The following BMP7 variants were observed in gnomAD, a reference collection of about 807,000 sequenced individuals.
The protein encoded by BMP7 is osteogenic protein 1.
BMP7 carries 12 observed loss-of-function variants against 41.2 expected under a neutral mutation model. The observed-to-expected ratio is 0.29, with a 90% CI of 0.19 to 0.47. The LOEUF is 0.47. Ranked by LOEUF, BMP7 falls within the 20% of genes least tolerant of loss-of-function variation. The probability of loss-of-function intolerance (pLI) is 0.99; values close to 1 mark genes in which losing one functional copy is unlikely to be tolerated. For missense variants in BMP7, 467 were observed against 606.0 expected, an observed-to-expected ratio of 0.77 and a Z score of 2.41; for synonymous variants, 248 against 250.0, an observed-to-expected ratio of 0.99 and a Z score of 0.07.
chr20:57,182,827 T>C (rs769492002), intron 4 of BMP7, among the ~76,000 whole-genome samples: 4 of 152,286 alleles, frequency 2.6e-5, no homozygotes, highest in Non-Finnish European at 5.9e-5. Context: ...TTATATTTAC[T>C]GTTAATGTTT....
At chr20:57,248,813 T>TTTTG (rs1568729306) in intron 1 of BMP7, among the ~76,000 whole-genome samples, 13 of 148,044 alleles carry the variant, frequency 8.8e-5, no homozygotes, top group African/African-American at 3.2e-4. Context: ...GTTTTGTTTT[T>TTTTG]TTTGAGACAG....
intron 3 of BMP7, among the ~76,000 whole-genome samples, chr20:57,189,564 C>A (rs1984302343): frequency 6.6e-6 from 1 of 152,220 alleles, no homozygotes; most frequent in African/African-American, 2.4e-5. Flanking sequence ...ACCGTCAATC[C>A]TGTTTCATAT....
chr20:57,194,398 A>G (rs1984445191), intron 3 of BMP7, among the ~76,000 whole-genome samples: 1 of 152,174 alleles, frequency 6.6e-6, no homozygotes, highest in African/African-American at 2.4e-5. Context: ...GGAACGCATG[A>G]TCTGTGGCTA....
chr20:57,252,317 G>A (rs1024409544), intron 1 of BMP7, among the ~76,000 whole-genome samples: 6 of 152,184 alleles, frequency 3.9e-5, no homozygotes, highest in Admixed American at 2.0e-4. Flanking sequence ...GAGTTGGCCC[G>A]CGGGCTGGGG....
At chr20:57,200,789 TC>T (rs1419771150) in intron 3 of BMP7, among the ~76,000 whole-genome samples, 1 of 151,670 alleles carries the variant, frequency 6.6e-6, no homozygotes, top group East Asian at 1.9e-4. Context: ...AGACTCCATC[TC>T]AAAAAAAAAT....
intron 3 of BMP7, among the ~76,000 whole-genome samples, chr20:57,184,405 G>C (rs527461269): frequency 1.3e-5 from 2 of 152,304 alleles, no homozygotes; most frequent in East Asian, 3.9e-4. Context: ...CCCAATGGAT[G>C]TTTGGGAAGA....
At chr20:57,202,073 G>A (rs535633788) in intron 3 of BMP7, among the ~76,000 whole-genome samples, 73 of 152,288 alleles carry the variant, frequency 4.8e-4, no homozygotes, top group African/African-American at 1.7e-3. Flanking sequence ...GACCGGGGAC[G>A]CTGCTAAACA....
chr20:57,172,224 A>T (rs1600725838), intron 6 of BMP7, among the ~76,000 whole-genome samples: 1 of 152,322 alleles, frequency 6.6e-6, no homozygotes, highest in East Asian at 1.9e-4. Flanking sequence ...GCCAGGGAAC[A>T]GGTTGGGGAG....
At chr20:57,242,556 T>C (rs1219248545) in intron 1 of BMP7, among the ~76,000 whole-genome samples, 1 of 152,212 alleles carries the variant, frequency 6.6e-6, no homozygotes, top group Non-Finnish European at 1.5e-5. Context: ...TTGACCTGTA[T>C]GGGGTTCACC....
chr20:57,195,195 C>T (rs960910877), intron 3 of BMP7, among the ~76,000 whole-genome samples: 1 of 152,154 alleles, frequency 6.6e-6, no homozygotes, highest in Non-Finnish European at 1.5e-5. Context: ...CAGTGAGGCC[C>T]CTTGGTAAAG....
intron 6 of BMP7, among the ~76,000 whole-genome samples, chr20:57,172,562 T>C (rs944923988): frequency 2.0e-5 from 3 of 152,226 alleles, no homozygotes; most frequent in African/African-American, 7.2e-5. Context: ...ATGATGTTCA[T>C]GACAGGGAGC....
intron 2 of BMP7, among the ~76,000 whole-genome samples, chr20:57,223,958 T>G (rs1470512226): frequency 6.6e-6 from 1 of 152,202 alleles, no homozygotes; most frequent in African/African-American, 2.4e-5. Flanking sequence ...GTGAGGGGGC[T>G]GCATCGTTCC....
At position 57,259,757 on chromosome 20, in the gene BMP7, C is replaced by G. The variant is rs1175801377; in HGVS notation, c.418+5948G>C. ...GTCAAACTTCATGCACTCTAATATC[C>G]CCCCAAATCATAAACACTCTACTTT... On this transcript the variant is annotated intron_variant, in intron 1 of 6. Coordinates refer to ENST00000395863, the MANE Select transcript of BMP7 (RefSeq NM_001719.3). This position sits in a 1 kb window ranked among gnomAD's most constrained non-coding sequence, Gnocchi z 4.7. Among the ~76,000 whole-genome samples the G allele has an allele frequency of 2.6e-5, 4 of 152,130 alleles. No individual in the cohort carries two copies. Among genetic ancestry groups the G allele is most frequent in the Non-Finnish European group, 5.9e-5 (4 of 68,032 alleles).
At chr20:57,193,110 T>C (rs796385111) in intron 3 of BMP7, among the ~76,000 whole-genome samples, 1 of 152,318 alleles carries the variant, frequency 6.6e-6, no homozygotes, top group East Asian at 1.9e-4. Flanking sequence ...TTGGAAGTCT[T>C]AGTTTTTAAG....
intron 1 of BMP7, among the ~76,000 whole-genome samples, chr20:57,245,740 G>A (rs2066088108): frequency 1.3e-5 from 2 of 149,248 alleles, no homozygotes; most frequent in South Asian, 2.1e-4. Context: ...CTGGGTTCAC[G>A]CCATTCTCCT....
intron 3 of BMP7, among the ~76,000 whole-genome samples, chr20:57,199,188 A>G (rs1984567287): frequency 6.6e-6 from 1 of 152,196 alleles, no homozygotes; most frequent in Admixed American, 6.5e-5. Context: ...TCGGATGCAC[A>G]CCGCCTCCCA....
chr20:57,262,794 C>G (rs1387367587), intron 1 of BMP7, among the ~76,000 whole-genome samples: 1 of 152,198 alleles, frequency 6.6e-6, no homozygotes, highest in Non-Finnish European at 1.5e-5. Flanking sequence ...TTTTCTCACT[C>G]TTATGTAAAT....
At chr20:57,201,453 GA>G (rs1568712896) in intron 3 of BMP7, among the ~76,000 whole-genome samples, 1 of 152,084 alleles carries the variant, frequency 6.6e-6, no homozygotes, top group East Asian at 1.9e-4. Context: ...TGGGAGAGGG[GA>G]AAAACAGAAA....
intron 2 of BMP7, among the ~76,000 whole-genome samples, chr20:57,221,894 G>A (rs1414191334): frequency 6.6e-6 from 1 of 151,776 alleles, no homozygotes; most frequent in Non-Finnish European, 1.5e-5. Flanking sequence ...GCAGTAAAGA[G>A]CCCCCATTGC....
Sources: gnomAD v4.1 joint callset for allele counts (sites outside exome capture counted in the v4.1 genomes callset) on GRCh38, gnomAD v4.1.1 for gene constraint, Gnocchi (gnomAD v3.1) non-coding constraint, MANE v1.5 for transcripts, NCBI Gene and HGNC (gene_info 2026-07-23, HGNC 2026-07-21) for gene names.